CELF4: variants seen among roughly 807,000 people sequenced by gnomAD.
The protein encoded by CELF4 is CUGBP Elav-like family member 4.
CELF4 carries 18 observed loss-of-function variants against 59.9 expected under a neutral mutation model. That is an observed-to-expected ratio of 0.30 (90% CI 0.21 to 0.45). The LOEUF is 0.45. Among genes scored for constraint, CELF4 ranks in the 20% least tolerant of loss-of-function variants. The pLI, the probability that CELF4 is intolerant of heterozygous loss-of-function variation, is 1.00. For missense variants in CELF4, 456 were observed against 689.0 expected (o/e 0.66, Z 3.79); for synonymous variants, 261 against 267.1 (o/e 0.98, Z 0.22).
At chr18:37,368,711 C>T (rs567151593) in intron 2 of CELF4, among the ~76,000 whole-genome samples, 90 of 152,352 alleles carry the variant, frequency 5.9e-4, no homozygotes, top group African/African-American at 2.0e-3. Context: ...GAGCAGGCAG[C>T]TACAGCATCC....
chr18:37,359,792 C>T (rs143652982), intron 2 of CELF4, among the ~76,000 whole-genome samples: 168 of 152,040 alleles, frequency 1.1e-3, no homozygotes, highest in African/African-American at 3.8e-3. Flanking sequence ...CGTGGTCCGC[C>T]CACCTCAGCC....
At chr18:37,334,289 C>T (rs577165328) in intron 2 of CELF4, among the ~76,000 whole-genome samples, 29 of 152,316 alleles carry the variant, frequency 1.9e-4, no homozygotes, top group African/African-American at 6.5e-4. Flanking sequence ...GCCCCCAGTG[C>T]TGGGCCACTA....
chr18:37,527,036 C>T (rs991112784), intron 1 of CELF4, among the ~76,000 whole-genome samples: 18 of 152,042 alleles, frequency 1.2e-4, no homozygotes, highest in Admixed American at 2.0e-4. Flanking sequence ...CATTTATTTA[C>T]GTAAGCCCCA....
chr18:37,455,760 G>T (rs752110070), intron 2 of CELF4, among the ~76,000 whole-genome samples: 1 of 152,204 alleles, frequency 6.6e-6, no homozygotes, highest in Non-Finnish European at 1.5e-5. Context: ...CACAGAGAAT[G>T]ACTGATCATA....
At chr18:37,414,191 C>CGTCT (rs1276639267) in intron 2 of CELF4, among the ~76,000 whole-genome samples, 2 of 148,088 alleles carry the variant, frequency 1.4e-5, no homozygotes, top group Non-Finnish European at 3.0e-5. Flanking sequence ...TCCATTCATT[C>CGTCT]ATCTATCTAT....
chr18:37,480,401 T>C (rs1326857824), intron 2 of CELF4, among the ~76,000 whole-genome samples: 1 of 152,234 alleles, frequency 6.6e-6, no homozygotes, highest in Non-Finnish European at 1.5e-5. Context: ...ATTGTAAAAC[T>C]ACCCCGAAGA....
intron 1 of CELF4, among the ~76,000 whole-genome samples, chr18:37,515,209 G>T (rs551424531): frequency 1.3e-5 from 2 of 152,274 alleles, no homozygotes; most frequent in East Asian, 1.9e-4. Flanking sequence ...GCCTTAAGGA[G>T]CCTGGAGGAG....
intron 2 of CELF4, among the ~76,000 whole-genome samples, chr18:37,350,328 T>C (rs752682611): frequency 3.9e-5 from 6 of 152,206 alleles, no homozygotes; most frequent in African/African-American, 1.4e-4. Flanking sequence ...CAAATAACTT[T>C]GTTCCAAGAA....
intron 2 of CELF4, among the ~76,000 whole-genome samples, chr18:37,375,328 T>C (rs2154566706): frequency 6.6e-6 from 1 of 152,316 alleles, no homozygotes; most frequent in East Asian, 1.9e-4. Context: ...CCAAAGGAAG[T>C]AAGCGATGAC....
intron 2 of CELF4, among the ~76,000 whole-genome samples, chr18:37,367,225 G>T (rs1277197189): frequency 6.6e-6 from 1 of 152,138 alleles, no homozygotes; most frequent in African/African-American, 2.4e-5. Flanking sequence ...CCTGGAGGAG[G>T]TGTGACGAGA....
chr18:37,273,338 T>TA, intron 6 of CELF4, 175 bp from the exon 7 acceptor site: 2 of 1,406,334 alleles, frequency 1.4e-6, no homozygotes, highest in Non-Finnish European at 1.9e-6. Flanking sequence ...CAACAGCTAT[T>TA]AGAGTCCACC....
intron 2 of CELF4, among the ~76,000 whole-genome samples, chr18:37,453,461 G>C (rs2099769641): frequency 6.6e-6 from 1 of 152,198 alleles, no homozygotes; most frequent in Non-Finnish European, 1.5e-5. Context: ...TGACACTCTT[G>C]GGGGAACTGG....
At chr18:37,343,064 G>A (rs534649529) in intron 2 of CELF4, among the ~76,000 whole-genome samples, 6 of 152,308 alleles carry the variant, frequency 3.9e-5, no homozygotes, top group East Asian at 1.9e-4. Context: ...GGTGTGCACC[G>A]TGTGACCACA....
chr18:37,399,708 T>C (rs1005236482), intron 2 of CELF4, among the ~76,000 whole-genome samples: 2 of 152,180 alleles, frequency 1.3e-5, no homozygotes, highest in African/African-American at 4.8e-5. Context: ...TGCCTAGACT[T>C]GGAGGCAGGC....
At chr18:37,547,631 C>T (rs1270023762) in intron 1 of CELF4, among the ~76,000 whole-genome samples, 2 of 152,186 alleles carry the variant, frequency 1.3e-5, no homozygotes, top group Non-Finnish European at 2.9e-5. Flanking sequence ...TCAGCAAATG[C>T]CTTCTGTTTA....
chr18:37,434,962 C>A (rs780409164), intron 2 of CELF4, among the ~76,000 whole-genome samples: 5 of 152,136 alleles, frequency 3.3e-5, no homozygotes, highest in Non-Finnish European at 7.3e-5. Flanking sequence ...CTTTTGACTA[C>A]CCCCTCCAAA....
At chr18:37,408,491 C>A (rs1195584976) in intron 2 of CELF4, among the ~76,000 whole-genome samples, 1 of 40,970 alleles carries the variant, frequency 2.4e-5, no homozygotes, top group Non-Finnish European at 7.7e-5. Flanking sequence ...TTGGTTGGTG[C>A]CGGGGGGGGG....
intron 2 of CELF4, among the ~76,000 whole-genome samples, chr18:37,337,741 G>T (rs994990791): frequency 2.0e-5 from 3 of 152,200 alleles, no homozygotes; most frequent in Non-Finnish European, 4.4e-5. Flanking sequence ...AGTGACAGAA[G>T]CATGCTCATG....
intron 1 of CELF4, among the ~76,000 whole-genome samples, chr18:37,521,136 C>A (rs1022097923): frequency 6.6e-6 from 1 of 152,154 alleles, no homozygotes; most frequent in Admixed American, 6.5e-5. Flanking sequence ...ACACCTGCCA[C>A]CAACTAGCCA....
Sources: gnomAD v4.1 joint callset for allele counts (sites outside exome capture counted in the v4.1 genomes callset) on GRCh38, gnomAD v4.1.1 for gene constraint, MANE v1.5 for transcripts, NCBI Gene and HGNC (gene_info 2026-07-23, HGNC 2026-07-21) for gene names.